Variants in PRKG1 observed in about 807,000 individuals in gnomAD.
PRKG1 encodes cGMP-dependent protein kinase 1.
A neutral mutation model predicts 88.1 loss-of-function variants in PRKG1; 35 were observed. The ratio of observed to expected loss-of-function variants is 0.40; its 90% confidence interval spans 0.30 to 0.53. The LOEUF (loss-of-function observed/expected upper bound fraction) is 0.53, where lower values mean the gene tolerates loss of function less well. Among genes scored for constraint, PRKG1 ranks in the 20% least tolerant of loss-of-function variants. PRKG1 has a pLI of 0.59. For synonymous variants in PRKG1, 303 were observed against 292.5 expected, an observed-to-expected ratio of 1.04 and a Z score of -0.37; for missense variants, 540 against 839.8, an observed-to-expected ratio of 0.64 and a Z score of 4.41.
intron 1 of PRKG1, among the ~76,000 whole-genome samples, chr10:51,052,075 A>G: frequency 6.6e-6 from 1 of 152,174 alleles, no homozygotes; most frequent in East Asian, 1.9e-4. Flanking sequence ...AGCAAAACGC[A>G]TATGAATTTT....
chr10:51,432,295 A>G (rs1225207220), intron 2 of PRKG1, among the ~76,000 whole-genome samples: 11 of 152,192 alleles, frequency 7.2e-5, no homozygotes, highest in Non-Finnish European at 1.6e-4. Context: ...ATTCATTTTC[A>G]TAAAATAATT....
At chr10:51,396,369 G>C (rs1200159903) in intron 2 of PRKG1, among the ~76,000 whole-genome samples, 1 of 151,840 alleles carries the variant, frequency 6.6e-6, no homozygotes, top group Admixed American at 6.6e-5. Context: ...ATTCCAGCTT[G>C]GGCAACAGAG....
intron 9 of PRKG1, among the ~76,000 whole-genome samples, chr10:52,233,901 C>G (rs1840602664): frequency 6.6e-6 from 1 of 152,116 alleles, no homozygotes; most frequent in Non-Finnish European, 1.5e-5. Context: ...CCTCTGCAGA[C>G]TTAAATGTCC....
chr10:50,999,243 C>T (rs888873561), intron 1 of PRKG1, among the ~76,000 whole-genome samples: 1 of 152,078 alleles, frequency 6.6e-6, no homozygotes, highest in Non-Finnish European at 1.5e-5. Context: ...ATTTGTTATT[C>T]AAGGATTTGA....
intron 7 of PRKG1, among the ~76,000 whole-genome samples, chr10:52,108,384 C>T (rs1847475458): frequency 6.6e-6 from 1 of 152,158 alleles, no homozygotes; most frequent in Non-Finnish European, 1.5e-5. Flanking sequence ...TCAGGGAACT[C>T]TGCCTGGCTT....
intron 3 of PRKG1, among the ~76,000 whole-genome samples, chr10:51,708,974 T>C (rs1471130384): frequency 1.3e-5 from 2 of 152,152 alleles, no homozygotes; most frequent in African/African-American, 4.8e-5. Context: ...GGTGACCTAC[T>C]CTTATGAAGG....
intron 5 of PRKG1, among the ~76,000 whole-genome samples, chr10:52,044,904 C>A (rs906834663): frequency 1.3e-5 from 2 of 152,084 alleles, no homozygotes; most frequent in Admixed American, 6.6e-5. Flanking sequence ...CCGTTATTTC[C>A]TTTAAGAAGC....
chr10:51,118,500 T>A (rs1343724868), intron 1 of PRKG1, among the ~76,000 whole-genome samples: 1 of 152,174 alleles, frequency 6.6e-6, no homozygotes, highest in East Asian at 1.9e-4. Flanking sequence ...TAACTCTGTT[T>A]ATTATCATTA....
At chr10:51,213,951 G>A (rs189920242) in intron 2 of PRKG1, among the ~76,000 whole-genome samples, 1 of 152,178 alleles carries the variant, frequency 6.6e-6, no homozygotes, top group African/African-American at 2.4e-5. Flanking sequence ...TTTGTTTATA[G>A]TTCTCGTTTG....
At chr10:51,913,473 T>C (rs188320396) in intron 5 of PRKG1, among the ~76,000 whole-genome samples, 22 of 152,332 alleles carry the variant, frequency 1.4e-4, no homozygotes, top group Non-Finnish European at 2.5e-4. Context: ...AGTAATTTAA[T>C]GAACCTTTTT....
chr10:51,153,087 C>T lies in PRKG1; in HGVS notation c.312-77C>T, dbSNP rs906925470. 9.0e-6 allele frequency: 12 copies of T among 1,334,336 alleles called. No individual in the cohort carries two copies. The African/African-American group carries it at 1.5e-4, about 17-fold the overall frequency. The allele number at this position is 1,334,336 out of a possible 1,614,324, so 82.7% of individuals were successfully genotyped here. A position where few individuals can be genotyped will look rare whatever the true frequency, so the allele number is the denominator to read the frequency against. On this transcript the variant is annotated intron_variant, in intron 1 of 17. Coordinates refer to ENST00000373980, the MANE Select transcript of PRKG1 (RefSeq NM_006258.4). Reference sequence around the variant, plus strand: ...TACATTTGTGGTGTGCCAGAGCACTCTATGGCGCTGCTAAACCTCACAAAC... The same window carrying T: ...TACATTTGTGGTGTGCCAGAGCACTTTATGGCGCTGCTAAACCTCACAAAC...
chr10:51,029,375 A>G (rs1372294074), intron 1 of PRKG1, among the ~76,000 whole-genome samples: 2 of 152,186 alleles, frequency 1.3e-5, no homozygotes, highest in Non-Finnish European at 2.9e-5. Context: ...TCTTTGCCTA[A>G]TGGTTTATAT....
intron 4 of PRKG1, among the ~76,000 whole-genome samples, chr10:51,840,732 G>T (rs1210939991): frequency 6.6e-6 from 1 of 152,164 alleles, no homozygotes; most frequent in Admixed American, 6.6e-5. Flanking sequence ...TCTTAGCAGA[G>T]ACGGGGTTTT....
chr10:51,582,051 AC>A (rs1838053760), intron 3 of PRKG1, among the ~76,000 whole-genome samples: 1 of 152,190 alleles, frequency 6.6e-6, no homozygotes, highest in Non-Finnish European at 1.5e-5. Flanking sequence ...CTAAGTAGAG[AC>A]TAACTGTTCA....
At chr10:51,129,327 C>T (rs1845507279) in intron 1 of PRKG1, among the ~76,000 whole-genome samples, 1 of 152,004 alleles carries the variant, frequency 6.6e-6, no homozygotes. Flanking sequence ...ACTATGTAAT[C>T]CCAGCTACTC....
chr10:51,715,283 TAAACA>T (rs1342980202), intron 3 of PRKG1, among the ~76,000 whole-genome samples: 1 of 152,202 alleles, frequency 6.6e-6, no homozygotes, highest in African/African-American at 2.4e-5. Context: ...GCTTCATATA[TAAACA>T]AATTTACAAA....
At chr10:51,838,079 C>T (rs555750080) in intron 4 of PRKG1, among the ~76,000 whole-genome samples, 2 of 151,982 alleles carry the variant, frequency 1.3e-5, no homozygotes, top group Non-Finnish European at 2.9e-5. Flanking sequence ...CATATCAATA[C>T]AATTCATTAA....
At chr10:51,703,747 C>T (rs908493383) in intron 3 of PRKG1, among the ~76,000 whole-genome samples, 1 of 152,208 alleles carries the variant, frequency 6.6e-6, no homozygotes, top group Non-Finnish European at 1.5e-5. Flanking sequence ...TGGGGCCCTA[C>T]TCCAAATCTA....
At chr10:51,242,364 T>C (rs547225540) in intron 2 of PRKG1, among the ~76,000 whole-genome samples, 2 of 152,284 alleles carry the variant, frequency 1.3e-5, no homozygotes, top group East Asian at 3.9e-4. Flanking sequence ...CCCCAACACA[T>C]AACAGTTTCT....
Sources: allele counts gnomAD v4.1 joint callset (sites outside exome capture counted in the v4.1 genomes callset), GRCh38; gene constraint gnomAD v4.1.1; transcripts MANE v1.5; gene names NCBI Gene and HGNC (gene_info 2026-07-23, HGNC 2026-07-21).